Variants in AIFM1 observed in about 807,000 individuals in gnomAD.
AIFM1 encodes apoptosis inducing factor mitochondria associated 1.
Under a neutral mutation model 51.7 loss-of-function variants are expected in AIFM1, and 3 were observed. The ratio of observed to expected loss-of-function variants is 0.06; its 90% CI spans 0.03 to 0.15. The LOEUF is 0.15. Ranked by LOEUF, AIFM1 falls within the 10% of genes least tolerant of loss-of-function variation. The pLI, the probability that AIFM1 is intolerant of heterozygous loss-of-function variation, is 1.00. For synonymous variants in AIFM1, 178 were observed against 179.4 expected (o/e 0.99, Z 0.06); for missense variants, 330 against 476.8 (o/e 0.69, Z 2.87).
intron 4 of AIFM1, 41 bp downstream of exon 4, chrX:130,147,711 G>A (rs774704898): frequency 4.1e-6 from 5 of 1,210,284 alleles, no homozygotes; most frequent in African/African-American, 1.7e-5. Flanking sequence ...AATGCTTGCA[G>A]ACTGTACCCT....
rs1214927688 is a variant in AIFM1, at chrX:130,165,819, T to G, written c.-163A>C. On this transcript the variant is annotated 5_prime_UTR_variant, in exon 1 of 16. Transcript: ENST00000287295. ...TGGGCATTGGACAGAGAAGCCGGCC[T>G]GCTAGAGCCGGGGAAGGGGAACGGC... The G allele has an allele frequency of 1.9e-6, 1 of 518,820 alleles. No individual in the cohort carries two copies. Among genetic ancestry groups the G allele is most frequent in the African/African-American group, 2.3e-5 (1 of 43,522 alleles). 42.8% of individuals were successfully genotyped at this position (518,820 alleles called of 1,213,427 possible). A position where few individuals can be genotyped will look rare whatever the true frequency, so the allele number is the denominator to read the frequency against.
intron 12 of AIFM1, 31 bp from the exon 13 acceptor site, chrX:130,133,486 T>C: frequency 8.4e-7 from 1 of 1,189,982 alleles, no homozygotes; most frequent in Non-Finnish European, 1.1e-6. Flanking sequence ...CATGAACACA[T>C]GATAAAAAAA....
At chrX:130,153,604 G>T (rs775475618) in intron 2 of AIFM1, among the ~76,000 whole-genome samples, 1 of 111,220 alleles carries the variant, frequency 9.0e-6, no homozygotes, top group African/African-American at 3.3e-5. Context: ...GCATTGGGGA[G>T]GTGATAATGA....
chrX:130,141,131 CAAAA>C lies in AIFM1; in HGVS notation c.697-518_697-515del, dbSNP rs923149627. On this transcript the variant is annotated intron_variant, in intron 6 of 15. Transcript: ENST00000287295. The stretch of plus-strand genomic sequence containing the variant: ...ATTCTGTCTCAAAAACAAAACAAAA[CAAAA>C]AAACCCCAAAACCACAACAACAAAA... 4.6e-3 allele frequency among the ~76,000 whole-genome samples: 510 copies of C among 111,589 alleles called. 3 individuals are homozygous for C. Among genetic ancestry groups the C allele is most frequent in the African/African-American group, 0.016 (484 of 30,679 alleles).
intron 3 of AIFM1, among the ~76,000 whole-genome samples, chrX:130,148,415 A>C (rs2030831677): frequency 8.9e-6 from 1 of 111,978 alleles, no homozygotes; most frequent in African/African-American, 3.2e-5. Context: ...AATTGAAGTG[A>C]ATCATGTGAA....
At chrX:130,140,425 G>T in intron 7 of AIFM1, 108 bp downstream of exon 7, 1 of 665,767 alleles carries the variant, frequency 1.5e-6, no homozygotes, top group Non-Finnish European at 2.5e-6. Flanking sequence ...ACTTCAGAGA[G>T]TCTGGGTTTC....
intron 5 of AIFM1, 60 bp from the exon 6 acceptor site, chrX:130,145,629 G>T: frequency 1.1e-6 from 1 of 921,757 alleles, no homozygotes; most frequent in Non-Finnish European, 1.6e-6. Context: ...AGCTTCCCCC[G>T]TAGCTTTAAT....
At chrX:130,136,984 G>A in intron 10 of AIFM1, 94 bp downstream of exon 10, 2 of 1,203,992 alleles carry the variant, frequency 1.7e-6, no homozygotes, top group Non-Finnish European at 2.2e-6. Context: ...CAGGTGATAG[G>A]GCTTATGTCA....
chrX:130,150,544 C>T (rs2030929983), intron 2 of AIFM1, among the ~76,000 whole-genome samples: 1 of 104,114 alleles, frequency 9.6e-6, no homozygotes, highest in South Asian at 4.4e-4. Context: ...ACCGTTTTAG[C>T]CGGGATGGTC....
At chrX:130,153,389 C>T (rs1308712809) in intron 2 of AIFM1, among the ~76,000 whole-genome samples, 1 of 107,109 alleles carries the variant, frequency 9.3e-6, no homozygotes, top group South Asian at 4.1e-4. Flanking sequence ...GCAGTTTACT[C>T]CCTTTTTTTG....
intron 3 of AIFM1, 127 bp from the exon 4 acceptor site, chrX:130,148,003 A>G: frequency 1.2e-6 from 1 of 844,492 alleles, no homozygotes; most frequent in East Asian, 3.1e-5. Flanking sequence ...CATATGACCT[A>G]CGCTAATCTT....
intron 15 of AIFM1, 143 bp from the exon 16 acceptor site, chrX:130,129,771 C>G: frequency 1.3e-6 from 1 of 743,702 alleles, no homozygotes; most frequent in Non-Finnish European, 2.1e-6. Context: ...CCCAAACAAG[C>G]AGCCTGCCAA....
intron 2 of AIFM1, among the ~76,000 whole-genome samples, chrX:130,151,946 C>T (rs1021179475): frequency 1.8e-5 from 2 of 109,633 alleles, no homozygotes; most frequent in African/African-American, 6.7e-5. Flanking sequence ...GGCTGAGACA[C>T]GAGAACCACC....
At chrX:130,159,173 G>T (rs2031269046) in intron 1 of AIFM1, among the ~76,000 whole-genome samples, 1 of 111,728 alleles carries the variant, frequency 9.0e-6, no homozygotes. Context: ...TCCAGTTCAG[G>T]TCAGGTTTTA....
intron 10 of AIFM1, 93 bp downstream of exon 10, chrX:130,136,985 G>C (rs2030370022): frequency 1.7e-6 from 2 of 1,204,270 alleles, no homozygotes; most frequent in South Asian, 3.6e-5. Flanking sequence ...AGGTGATAGG[G>C]CTTATGTCAA....
intron 11 of AIFM1, 105 bp from the exon 12 acceptor site, chrX:130,136,290 T>C: frequency 4.0e-6 from 4 of 990,637 alleles, no homozygotes; most frequent in Non-Finnish European, 5.6e-6. Flanking sequence ...CTTTAAAAAA[T>C]CATGGGTTAA....
At chrX:130,134,810 C>T (rs1274334720) in intron 12 of AIFM1, among the ~76,000 whole-genome samples, 1 of 111,638 alleles carries the variant, frequency 9.0e-6, no homozygotes, top group African/African-American at 3.3e-5. Flanking sequence ...AGTGAGCAAC[C>T]GTAAACTGTG....
intron 12 of AIFM1, 127 bp downstream of exon 12, chrX:130,135,918 C>T: frequency 1.1e-6 from 1 of 909,056 alleles, no homozygotes; most frequent in East Asian, 3.1e-5. Flanking sequence ...CTATTCTGTA[C>T]CCTCAGCCTC....
At chrX:130,164,167 CAAAAAAA>C (rs141655412) in intron 1 of AIFM1, among the ~76,000 whole-genome samples, 17 of 74,866 alleles carry the variant, frequency 2.3e-4, no homozygotes. Flanking sequence ...GACTCCGTCT[CAAAAAAA>C]AAAAAAAAAA....
Sources: allele counts gnomAD v4.1 joint callset (sites outside exome capture counted in the v4.1 genomes callset), GRCh38; gene constraint gnomAD v4.1.1; transcripts MANE v1.5; gene names NCBI Gene and HGNC (gene_info 2026-07-23, HGNC 2026-07-21).